The following TMEM101 variants were observed in gnomAD, a reference collection of about 807,000 sequenced individuals.
The protein encoded by TMEM101 is transmembrane protein 101.
TMEM101 carries 14 observed loss-of-function variants against 26.0 expected under a neutral mutation model. The observed-to-expected ratio is 0.54, with a 90% CI of 0.36 to 0.84. The LOEUF (loss-of-function observed/expected upper bound fraction) is 0.84, where lower values mean the gene tolerates loss of function less well. Ranked by LOEUF, TMEM101 falls within the 40% of genes least tolerant of loss-of-function variation. The pLI is 0.01. For missense variants in TMEM101, 292 were observed against 345.1 expected, an observed-to-expected ratio of 0.85 and a Z score of 1.22; for synonymous variants, 152 against 145.1, an observed-to-expected ratio of 1.05 and a Z score of -0.34.
chr17:44,011,766 A>AC lies in TMEM101; in HGVS notation c.*161dup. 1 of 757,602 alleles carries AC rather than the reference A, an allele frequency of 1.3e-6. No individual in the cohort carries two copies. The highest frequency in any genetic ancestry group is 2.1e-6 in the Non-Finnish European group (1 of 482,382). The allele number at this position is 757,602 out of a possible 1,614,324, so 46.9% of individuals were successfully genotyped here. A position where few individuals can be genotyped will look rare whatever the true frequency, so the allele number is the denominator to read the frequency against. ...CCAAGCGCTGAGCCCAGAAATTTGG[A>AC]CAAATGAGCTGCCTCTTAACTGCAA... On this transcript the variant is annotated 3_prime_UTR_variant, in exon 4 of 4. Transcript: ENST00000206380.
chr17:44,016,129 A>G (rs567157490), upstream of TMEM101, among the ~76,000 whole-genome samples: 44 of 151,754 alleles, frequency 2.9e-4, no homozygotes, highest in African/African-American at 7.5e-4. Context: ...ACACACGCAC[A>G]CACACACACA....
chr17:44,021,328 A>T (rs2049283024), exon 2 of TMEM101: 1 of 152,172 alleles, frequency 6.6e-6, no homozygotes, highest in Non-Finnish European at 1.5e-5. Flanking sequence ...ATACATTATA[A>T]TGCCTCTCAT....
chr17:44,015,716 C>T (rs1201722933), upstream of TMEM101, among the ~76,000 whole-genome samples: 1 of 152,116 alleles, frequency 6.6e-6, no homozygotes, highest in Non-Finnish European at 1.5e-5. Flanking sequence ...TTAAATGTGA[C>T]AAGGTCGGTC....
upstream of TMEM101, among the ~76,000 whole-genome samples, chr17:44,018,157 T>C (rs2049252221): frequency 6.6e-6 from 1 of 151,200 alleles, no homozygotes; most frequent in Non-Finnish European, 1.5e-5. Flanking sequence ...TAGGATAAGG[T>C]CTGGGTAAAT....
chr17:44,015,374 A>G (rs8069232), upstream of TMEM101, among the ~76,000 whole-genome samples: 4,437 of 87,588 alleles, frequency 0.051, 209 homozygotes, highest in African/African-American at 0.12. Flanking sequence ...AGAGTTGTGA[A>G]CTTTTTTTTT....
chr17:44,018,356 T>C (rs986442801), upstream of TMEM101, among the ~76,000 whole-genome samples: 2 of 152,012 alleles, frequency 1.3e-5, no homozygotes, highest in Non-Finnish European at 2.9e-5. Flanking sequence ...GAGAGGAACA[T>C]ATAGATGCAA....
At position 44,012,135 on chromosome 17, in the gene TMEM101, G is replaced by A. The variant is rs1232772331; in HGVS notation, c.567C>T (p.Ile189=). The change falls in exon 4 of 4, where the codon ATC becomes ATT. Residue 189 remains isoleucine (I), a synonymous_variant. Transcript: ENST00000206380. ...MIQLFFVLYG[I]LALAFLSGYY... Reference sequence around the variant, plus strand: ...AGCCTGACAGAAAGGCCAGGGCCAGGATGCCATACAGCACGAAGAACAGCT... The same window carrying A: ...AGCCTGACAGAAAGGCCAGGGCCAGAATGCCATACAGCACGAAGAACAGCT... The A allele has an allele frequency of 6.2e-7, 1 of 1,614,256 alleles. No individual in the cohort carries two copies. Among genetic ancestry groups the A allele is most frequent in the Non-Finnish European group, 8.5e-7 (1 of 1,180,040 alleles).
rs747809911 is a variant in TMEM101 at position 44,012,205 on chromosome 17, C to T, written c.497G>A (p.Arg166Gln). Residue 166 changes from arginine (R) to glutamine (Q), a missense_variant, in exon 4 of 4, where the codon CGG becomes CAG. Arg to Gln is a conservative substitution (Grantham distance 43). This residue lies in a region of TMEM101 where 149 missense variants were observed against 211.9 expected (regional missense o/e 0.70). Coordinates refer to ENST00000206380, the MANE Select transcript of TMEM101 (RefSeq NM_032376.4). Reference sequence around the variant, plus strand: ...TGGGAGATGGTTCAGATACGCCAGCCGGTCCTCCTTGCTGTGCTGCAGTGA... The same window carrying T: ...TGGGAGATGGTTCAGATACGCCAGCTGGTCCTCCTTGCTGTGCTGCAGTGA... ...AYSLQHSKED[R>Q]LAYLNHLPGG... 2 of 1,613,868 alleles carry T rather than the reference C, an allele frequency of 1.2e-6. No individual in the cohort carries two copies. Among genetic ancestry groups the T allele is most frequent in the East Asian group, 2.2e-5 (1 of 44,888 alleles).
intron 1 of TMEM101, among the ~76,000 whole-genome samples, chr17:44,022,133 C>T (rs1004419539): frequency 1.3e-5 from 2 of 152,242 alleles, no homozygotes; most frequent in Non-Finnish European, 2.9e-5. Context: ...TTCCAGAATC[C>T]AAACAAGCCA....
chr17:44,017,441 A>AG (rs1318907722), upstream of TMEM101, among the ~76,000 whole-genome samples: 3 of 148,726 alleles, frequency 2.0e-5, no homozygotes, highest in Non-Finnish European at 4.5e-5. Flanking sequence ...AAATACAAAA[A>AG]AAATTAGCCA....
upstream of TMEM101, chr17:44,015,284 T>G: frequency 4.9e-6 from 1 of 205,300 alleles, no homozygotes. Flanking sequence ...CTAATCCTGA[T>G]TCCAACCCTG....
chr17:44,017,481 C>G (rs1306506787), upstream of TMEM101, among the ~76,000 whole-genome samples: 3 of 151,114 alleles, frequency 2.0e-5, no homozygotes, highest in Non-Finnish European at 1.5e-5. Context: ...GCAGTCCCAG[C>G]TACTCGGGAG....
chr17:44,019,131 C>G (rs915267711), upstream of TMEM101: 2 of 223,854 alleles, frequency 8.9e-6, no homozygotes, highest in South Asian at 9.9e-5. Context: ...GGTAAACAAG[C>G]TTTATCCCAC....
intron 2 of TMEM101, among the ~76,000 whole-genome samples, chr17:44,014,031 T>C (rs774665046): frequency 1.3e-5 from 2 of 152,144 alleles, no homozygotes; most frequent in Non-Finnish European, 2.9e-5. Context: ...ACCCCATGAG[T>C]CTGAGATTAC....
chr17:44,016,962 G>A (rs1045228535), upstream of TMEM101, among the ~76,000 whole-genome samples: 2 of 151,732 alleles, frequency 1.3e-5, no homozygotes. Context: ...GTGAAACCCC[G>A]TCTCTACTAA....
At chr17:44,015,121 G>A (rs1419390588), upstream of TMEM101, 15 of 827,276 alleles carry the variant, frequency 1.8e-5, no homozygotes, top group Non-Finnish European at 2.4e-5. Flanking sequence ...CAGCCTTCTC[G>A]TCTGCTCATG....
In TMEM101 at chr17:44,014,900, A is replaced by C; in HGVS notation, c.53T>G (p.Leu18Trp). 1.9e-6 allele frequency: 3 copies of C among 1,614,010 alleles called. No individual in the cohort carries two copies. The highest frequency in any genetic ancestry group is 2.5e-6 in the Non-Finnish European group (3 of 1,179,942). ...GCAGCGTGTGAGCAGCACCGAACCC[A>C]ACTGCATGATCAGCTGCAACATCCA... ...RRWMLQLIMQ[L>W]GSVLLTRCPF... is the part of the protein sequence containing the mutation. The change falls in exon 1 of 4, where the codon TTG becomes TGG. Residue 18 changes from leucine to tryptophan, a missense_variant. Around this residue, in one of 2 missense-constraint regions of TMEM101, gnomAD observed 143 missense variants for 133.2 expected, o/e 1.07. Transcript: ENST00000206380.
upstream of TMEM101, among the ~76,000 whole-genome samples, chr17:44,018,815 G>A (rs1476915169): frequency 1.3e-5 from 2 of 152,176 alleles, no homozygotes; most frequent in Non-Finnish European, 2.9e-5. Context: ...GCTTGCCTTG[G>A]TACCCACTGC....
upstream of TMEM101, among the ~76,000 whole-genome samples, chr17:44,017,626 G>C (rs1202444431): frequency 6.7e-6 from 1 of 149,110 alleles, no homozygotes. Flanking sequence ...AGCCAGGCAT[G>C]GTGGGAGGCA....
Sources: gnomAD v4.1 joint callset for allele counts (sites outside exome capture counted in the v4.1 genomes callset) on GRCh38, gnomAD v4.1.1 for gene constraint, gnomAD v4.1.1 regional missense constraint, MANE v1.5 for transcripts, NCBI Gene and HGNC (gene_info 2026-07-23, HGNC 2026-07-21) for gene names.